Variants in CTDSPL2 observed in about 807,000 individuals in gnomAD.
The protein encoded by CTDSPL2 is CTD small phosphatase-like protein 2.
In CTDSPL2, 5 loss-of-function variants were observed where a neutral mutation model predicts 60.0. The ratio of observed to expected loss-of-function variants is 0.08; its 90% CI spans 0.04 to 0.18. The LOEUF is 0.18. Among genes scored for constraint, CTDSPL2 ranks in the 10% least tolerant of loss-of-function variants. The pLI, the probability that CTDSPL2 is intolerant of heterozygous loss-of-function variation, is 1.00. For synonymous variants in CTDSPL2, 186 were observed against 189.3 expected (o/e 0.98, Z 0.14); for missense variants, 370 against 548.8 (o/e 0.67, Z 3.26).
At chr15:44,469,017 C>G (rs1229686855) in intron 2 of CTDSPL2, among the ~76,000 whole-genome samples, 1 of 151,908 alleles carries the variant, frequency 6.6e-6, no homozygotes, top group African/African-American at 2.4e-5. Flanking sequence ...TCAATTAATC[C>G]TTATTTTACT....
rs1213142195 is a variant in CTDSPL2 at position 44,526,610 on chromosome 15, TTTG to T, written c.*2439_*2441del. On this transcript the variant is annotated 3_prime_UTR_variant, in exon 13 of 13. Transcript: ENST00000260327. ...GTTATTTTATTTGAGTCATTTTAAATTTGTTAATACAAAATTTAAGATAATTTA... is the reference window on the plus strand; with the variant it reads ...GTTATTTTATTTGAGTCATTTTAAATTTAATACAAAATTTAAGATAATTTA... The T allele has an allele frequency of 1.3e-5, 2 of 152,168 alleles. No individual in the cohort carries two copies. The highest frequency in any genetic ancestry group is 2.9e-5 in the Non-Finnish European group (2 of 67,972). The allele number at this position is 152,168 out of a possible 1,614,324, so 9.4% of individuals were successfully genotyped here.
rs1253196636 is a variant in CTDSPL2, at chr15:44,524,428, A to G, written c.*254A>G. On this transcript the variant is annotated 3_prime_UTR_variant, in exon 13 of 13. Coordinates refer to ENST00000260327, the MANE Select transcript of CTDSPL2 (RefSeq NM_016396.3). The stretch of plus-strand genomic sequence containing the variant: ...AACTCCAGTGAAATTTTTTATGTAC[A>G]GGACATCTGCAGTTTATAAAGAATT... 2.3e-6 allele frequency: 1 copy of G among 429,862 alleles called. No individual in the cohort carries two copies. Among genetic ancestry groups the G allele is most frequent in the African/African-American group, 2.0e-5 (1 of 49,578 alleles). The allele number at this position is 429,862 out of a possible 1,614,324, so 26.6% of individuals were successfully genotyped here.
At chr15:44,516,730 A>G (rs1327755288) in intron 10 of CTDSPL2, 1 of 152,238 alleles carries the variant, frequency 6.6e-6, no homozygotes, top group African/African-American at 2.4e-5. Flanking sequence ...AATGTGTTAT[A>G]AATTAACAAT....
chr15:44,501,643 A>G (rs2081383659), intron 8 of CTDSPL2, among the ~76,000 whole-genome samples: 1 of 152,184 alleles, frequency 6.6e-6, no homozygotes, highest in African/African-American at 2.4e-5. Context: ...ATTCTGAGTT[A>G]CACTTTCTGA....
At chr15:44,441,324 A>G (rs1212389565) in intron 1 of CTDSPL2, among the ~76,000 whole-genome samples, 1 of 152,080 alleles carries the variant, frequency 6.6e-6, no homozygotes, top group African/African-American at 2.4e-5. Context: ...CTAGAAGAGA[A>G]GGATCTGGTT....
intron 8 of CTDSPL2, among the ~76,000 whole-genome samples, chr15:44,513,847 A>C (rs970185900): frequency 6.6e-6 from 1 of 152,240 alleles, no homozygotes; most frequent in Non-Finnish European, 1.5e-5. Context: ...TGAATATTAG[A>C]TTATAGGAGC....
At chr15:44,503,427 C>A (rs374391250) in intron 8 of CTDSPL2, 1 of 152,144 alleles carries the variant, frequency 6.6e-6, no homozygotes, top group Non-Finnish European at 1.5e-5. Context: ...TATTTAGTTT[C>A]TGTTCCTGCA....
At chr15:44,458,522 T>G (rs1421900191) in intron 1 of CTDSPL2, among the ~76,000 whole-genome samples, 1 of 152,244 alleles carries the variant, frequency 6.6e-6, no homozygotes, top group Non-Finnish European at 1.5e-5. Context: ...CATTCATTCA[T>G]TGGCTGACAT....
chr15:44,499,255 AT>A (rs1247120237), intron 7 of CTDSPL2, among the ~76,000 whole-genome samples: 1 of 152,122 alleles, frequency 6.6e-6, no homozygotes, highest in Non-Finnish European at 1.5e-5. Flanking sequence ...AAATACAAAA[AT>A]TAGCCAGACG....
At chr15:44,477,663 C>T (rs2080946382) in intron 2 of CTDSPL2, among the ~76,000 whole-genome samples, 1 of 151,800 alleles carries the variant, frequency 6.6e-6, no homozygotes, top group Admixed American at 6.6e-5. Flanking sequence ...ATGGAGAAAC[C>T]CTGTCTCTAC....
intron 1 of CTDSPL2, among the ~76,000 whole-genome samples, chr15:44,433,333 A>G (rs1282298553): frequency 2.0e-5 from 3 of 151,006 alleles, no homozygotes. Flanking sequence ...TCTCAAAGAA[A>G]AAAAAAAAAA....
At chr15:44,445,066 G>C (rs984301350) in intron 1 of CTDSPL2, among the ~76,000 whole-genome samples, 1 of 151,266 alleles carries the variant, frequency 6.6e-6, no homozygotes, top group South Asian at 2.1e-4. Flanking sequence ...GGATGGTCTC[G>C]ATCTCCAGAC....
intron 11 of CTDSPL2, 90 bp downstream of exon 11, chr15:44,519,385 G>GAAT: frequency 9.1e-7 from 1 of 1,101,428 alleles, no homozygotes. Context: ...AGAAGAAGAA[G>GAAT]AGAATTTTCA....
chr15:44,438,320 G>C (rs1297655373), intron 1 of CTDSPL2, among the ~76,000 whole-genome samples: 1 of 152,062 alleles, frequency 6.6e-6, no homozygotes, highest in Non-Finnish European at 1.5e-5. Context: ...CTGGGAAGTA[G>C]TTATTGTGGG....
intron 3 of CTDSPL2, among the ~76,000 whole-genome samples, chr15:44,486,121 C>G (rs534318681): frequency 6.6e-6 from 1 of 152,110 alleles, no homozygotes; most frequent in Non-Finnish European, 1.5e-5. Flanking sequence ...CTATTCATTT[C>G]GCTGTCATTC....
rs536294687 is a variant in CTDSPL2 at position 44,440,835 on chromosome 15, T to G, written c.-25+13063T>G. ...CCTGGAACATTGCATTCGTGGACTT[T>G]TAGGGTAGGGAGTTGAGTCAGTGTA... On this transcript the variant is annotated intron_variant, in intron 1 of 12. Transcript: ENST00000260327. Among the ~76,000 whole-genome samples the G allele has an allele frequency of 2.0e-5, 3 of 152,276 alleles. No individual in the cohort carries two copies. The South Asian group carries it at 6.2e-4, about 32-fold the overall frequency.
At chr15:44,486,495 C>T in intron 3 of CTDSPL2, 56 bp from the exon 4 acceptor site, 2 of 1,235,780 alleles carry the variant, frequency 1.6e-6, no homozygotes, top group East Asian at 2.5e-5. Flanking sequence ...ATTTATAACA[C>T]ACTTCTGAAA....
At chr15:44,518,533 A>G (rs2081700138) in intron 10 of CTDSPL2, 1 of 152,242 alleles carries the variant, frequency 6.6e-6, no homozygotes, top group South Asian at 2.1e-4. Context: ...AAAAGTTGAA[A>G]TGATGGAATG....
rs546611731 is a variant in CTDSPL2, at chr15:44,474,717, A to G, written c.187-9507A>G. Reference sequence around the variant, plus strand: ...CTAAAAATATAAAAATTAACCGGGCATGGTGACACATGCCTGTCATCCCAG... The same window carrying G: ...CTAAAAATATAAAAATTAACCGGGCGTGGTGACACATGCCTGTCATCCCAG... On this transcript the variant is annotated intron_variant, in intron 2 of 12. Transcript: ENST00000260327. Among the ~76,000 whole-genome samples the G allele has an allele frequency of 1.4e-4, 21 of 151,928 alleles. No homozygotes were observed. In the East Asian group the frequency reaches 2.5e-3, roughly 18 times the overall value.
Sources: allele counts gnomAD v4.1 joint callset (sites outside exome capture counted in the v4.1 genomes callset), GRCh38; gene constraint gnomAD v4.1.1; transcripts MANE v1.5; gene names NCBI Gene and HGNC (gene_info 2026-07-23, HGNC 2026-07-21).